Variants in SPRED3 observed in about 807,000 individuals in gnomAD.
SPRED3 encodes the protein sprouty related EVH1 domain containing 3.
Under a neutral mutation model 37.6 loss-of-function variants are expected in SPRED3, and 23 were observed. The observed-to-expected ratio is 0.61, with a 90% CI of 0.44 to 0.87. SPRED3 has a LOEUF of 0.87. Among genes scored for constraint, SPRED3 ranks in the 40% least tolerant of loss-of-function variants. The probability of loss-of-function intolerance (pLI) is 0.00; values close to 1 mark genes in which losing one functional copy is unlikely to be tolerated. For missense variants in SPRED3, 584 were observed against 618.6 expected (o/e 0.94, Z 0.59); for synonymous variants, 302 against 279.6 (o/e 1.08, Z -0.80).
chr19:38,394,460 A>G, intron 4 of SPRED3, 183 bp from the exon 5 acceptor site: 2 of 1,493,910 alleles, frequency 1.3e-6, no homozygotes, highest in Non-Finnish European at 1.9e-6. Flanking sequence ...CAGAGGAGGA[A>G]ACTGAGGCTC....
At chr19:38,391,903 T>C in intron 2 of SPRED3, 43 bp from the exon 3 acceptor site, 2 of 1,605,900 alleles carry the variant, frequency 1.2e-6, no homozygotes, top group Non-Finnish European at 1.7e-6. Flanking sequence ...CACAGGCATG[T>C]CTGGGTTGGG....
At position 38,395,388 on chromosome 19, in the gene SPRED3, C is replaced by G. The variant is rs1970881833; in HGVS notation, c.568-92C>G. ...AGAAGCAAGCTGGGGTCTTGAAAAT[C>G]TGAATCCCAGACCCAAGAGTGCGCT... is the stretch of plus-strand genomic sequence containing the variant. On this transcript the variant is annotated intron_variant, in intron 5 of 5. Transcript: ENST00000691638. The surrounding 1 kb of genome is among the most constrained non-coding windows in gnomAD (Gnocchi z 5.2). 3.2e-6 allele frequency: 4 copies of G among 1,247,028 alleles called. No homozygotes were observed. Among genetic ancestry groups the G allele is most frequent in the East Asian group, 3.2e-5 (1 of 31,646 alleles). The allele number at this position is 1,247,028 out of a possible 1,614,324, so 77.2% of individuals were successfully genotyped here. A position where few individuals can be genotyped will look rare whatever the true frequency, so the allele number is the denominator to read the frequency against.
Position 38,390,771 on chromosome 19 carries a change from C to A in SPRED3, c.177+292C>A, listed in dbSNP as rs559866331. Among the ~76,000 whole-genome samples the A allele has an allele frequency of 3.5e-5, 4 of 115,166 alleles. No homozygotes were observed. In the East Asian group the frequency reaches 1.0e-3, roughly 30 times the overall value. 75.6% of individuals were successfully genotyped at this position (115,166 alleles called of 152,430 possible). ...TGTTCCACAGGGGGCACTGCCCCCCCCCCCCCGCCCCGACTCACACCATGT... is the reference window on the plus strand; with the variant it reads ...TGTTCCACAGGGGGCACTGCCCCCCACCCCCCGCCCCGACTCACACCATGT... On this transcript the variant is annotated intron_variant, in intron 2 of 5. Transcript: ENST00000691638.
chr19:38,391,845 G>A, intron 2 of SPRED3, 101 bp from the exon 3 acceptor site: 1 of 1,378,328 alleles, frequency 7.3e-7, no homozygotes, highest in Middle Eastern at 2.0e-4. Flanking sequence ...AATGAGGTTT[G>A]TGAGAAGACA....
intron 4 of SPRED3, among the ~76,000 whole-genome samples, chr19:38,392,885 A>T (rs558332482): frequency 1.3e-5 from 2 of 152,070 alleles, no homozygotes; most frequent in African/African-American, 4.8e-5. Context: ...CTGCCCCCAC[A>T]CATAGCCAGA....
chr19:38,393,488 C>T (rs1012701464), intron 4 of SPRED3, among the ~76,000 whole-genome samples: 2 of 151,840 alleles, frequency 1.3e-5, no homozygotes, highest in African/African-American at 4.8e-5. Context: ...GCTGGGATTA[C>T]AGGCACCCAG....
Position 38,396,306 on chromosome 19 carries a change from T to A in SPRED3, c.*161T>A. 1 of 472,326 alleles carries A rather than the reference T, an allele frequency of 2.1e-6. No homozygotes were observed. Among genetic ancestry groups the A allele is most frequent in the Non-Finnish European group, 3.3e-6 (1 of 305,580 alleles). The allele number at this position is 472,326 out of a possible 1,614,324, so 29.3% of individuals were successfully genotyped here. On this transcript the variant is annotated 3_prime_UTR_variant, in exon 6 of 6. Coordinates refer to ENST00000691638, the MANE Select transcript of SPRED3 (RefSeq NM_001394336.1). ...AGACCTGGAACCTGGAACCCAAACCTAGGACTGAGAGACCCCAGCCCCAGC... is the reference window on the plus strand; with the variant it reads ...AGACCTGGAACCTGGAACCCAAACCAAGGACTGAGAGACCCCAGCCCCAGC...
At position 38,396,367 on chromosome 19, in the gene SPRED3, C is replaced by G; in HGVS notation, c.*222C>G. The G allele has an allele frequency of 2.9e-6, 1 of 340,426 alleles. No homozygotes were observed. The highest frequency in any genetic ancestry group is 5.2e-6 in the Non-Finnish European group (1 of 191,806). 21.1% of individuals were successfully genotyped at this position (340,426 alleles called of 1,614,324 possible). The stretch of plus-strand genomic sequence containing the variant: ...TGTCTGTCTAAGAAGTCCCAGGCGT[C>G]CTGAGTTCTGGCGTTCCCCCACCCC... On this transcript the variant is annotated 3_prime_UTR_variant, in exon 6 of 6. Transcript: ENST00000691638.
At chr19:38,394,473 A>G in intron 4 of SPRED3, 170 bp from the exon 5 acceptor site, 1 of 1,490,896 alleles carries the variant, frequency 6.7e-7, no homozygotes, top group Non-Finnish European at 9.4e-7. Flanking sequence ...TGAGGCTCAA[A>G]GAGGTGAGCT....
At chr19:38,392,368 G>C in intron 4 of SPRED3, 80 bp downstream of exon 4, 2 of 1,408,052 alleles carry the variant, frequency 1.4e-6, no homozygotes, top group Non-Finnish European at 1.9e-6. Context: ...AGCACCTACT[G>C]TGTAGCAGGC....
At chr19:38,391,555 A>G (rs1371764552) in intron 2 of SPRED3, among the ~76,000 whole-genome samples, 1 of 152,042 alleles carries the variant, frequency 6.6e-6, no homozygotes, top group African/African-American at 2.4e-5. Flanking sequence ...AGGAAAATGT[A>G]GGGATCAAGG....
In SPRED3 at chr19:38,390,490, C is replaced by T; in HGVS notation, c.177+11C>T. 1 of 1,243,790 alleles carries T rather than the reference C, an allele frequency of 8.0e-7. No homozygotes were observed. 77.0% of individuals were successfully genotyped at this position (1,243,790 alleles called of 1,614,324 possible). ...CTCCGGGACCAGAAAGTGAGCCACC[C>T]TGGGGCATGCGGGGAGGGTAGGGAC... On this transcript the variant is annotated intron_variant, in intron 2 of 5. Transcript: ENST00000691638.
chr19:38,389,169 C>A (rs1231030443), intron 1 of SPRED3, among the ~76,000 whole-genome samples: 2 of 152,226 alleles, frequency 1.3e-5, no homozygotes, highest in Non-Finnish European at 2.9e-5. Flanking sequence ...TGCTCTCATT[C>A]CCTGCTTCAC....
chr19:38,388,944 C>A (rs950769577), intron 1 of SPRED3, 137 bp downstream of exon 1: 1 of 393,488 alleles, frequency 2.5e-6, no homozygotes, highest in African/African-American at 2.1e-5. Flanking sequence ...AGAGTGGGGA[C>A]CCCCCAAACT....
In SPRED3 at chr19:38,395,959, C is replaced by T; in HGVS notation, c.1047C>T (p.Asp349=). ...ACTGCCTGTCGGACGCCGAGGGCGACTTCTCGGACCCGTGCGCCTGCGAGC... is the reference window on the plus strand; with the variant it reads ...ACTGCCTGTCGGACGCCGAGGGCGATTTCTCGGACCCGTGCGCCTGCGAGC... ...LYHCLSDAEG[D]FSDPCACEPG... The change falls in exon 6 of 6, where the codon GAC becomes GAT. Residue 349 remains aspartate, a synonymous_variant. Transcript: ENST00000691638. This position sits in a 1 kb window ranked among gnomAD's most constrained non-coding sequence, Gnocchi z 5.2. 6.1e-6 allele frequency: 9 copies of T among 1,478,386 alleles called. No individual in the cohort carries two copies. Among genetic ancestry groups the T allele is most frequent in the Non-Finnish European group, 8.0e-6 (9 of 1,120,970 alleles). The allele number at this position is 1,478,386 out of a possible 1,614,324, so 91.6% of individuals were successfully genotyped here.
chr19:38,392,345 A>G (rs1042757804), intron 4 of SPRED3, 57 bp downstream of exon 4: 82 of 1,449,006 alleles, frequency 5.7e-5, no homozygotes, highest in Non-Finnish European at 7.2e-5. Context: ...TTTTTATTCT[A>G]TGAACATTCT....
intron 4 of SPRED3, 40 bp from the exon 5 acceptor site, chr19:38,394,602 CG>C: frequency 6.4e-7 from 1 of 1,564,430 alleles, no homozygotes; most frequent in Non-Finnish European, 8.6e-7. Flanking sequence ...ATCGGCTGTG[CG>C]GGGGCGTGTC....
rs1229549251 is a variant in SPRED3, at chr19:38,399,400, C to A, written c.*3255C>A. On this transcript the variant is annotated 3_prime_UTR_variant, in exon 6 of 6. Transcript: ENST00000691638. ...GCCCCTCAGATCGGATGCTTGGCCC[C>A]CAGATTTGGGGGAGGCACCCCAACA... is the stretch of plus-strand genomic sequence containing the variant. The A allele has an allele frequency of 6.6e-6, 1 of 152,198 alleles. No homozygotes were observed. Among genetic ancestry groups the A allele is most frequent in the East Asian group, 1.9e-4 (1 of 5,178 alleles). 9.4% of individuals were successfully genotyped at this position (152,198 alleles called of 1,614,324 possible). A position where few individuals can be genotyped will look rare whatever the true frequency, so the allele number is the denominator to read the frequency against.
At position 38,396,025 on chromosome 19, in the gene SPRED3, C is replaced by T; in HGVS notation, c.1113C>T (p.Ala371=). 1 of 1,370,364 alleles carries T rather than the reference C, an allele frequency of 7.3e-7. No homozygotes were observed. Among genetic ancestry groups the T allele is most frequent in the Non-Finnish European group, 9.3e-7 (1 of 1,071,800 alleles). 84.9% of individuals were successfully genotyped at this position (1,370,364 alleles called of 1,614,324 possible). A position where few individuals can be genotyped will look rare whatever the true frequency, so the allele number is the denominator to read the frequency against. ...PRPAARWAAL[A]ALSLAVPCLC... ...CCGCCGCGCGCTGGGCCGCGCTGGC[C>T]GCGCTCTCCCTGGCAGTGCCCTGCC... The change falls in exon 6 of 6, where the codon GCC becomes GCT. Residue 371 remains alanine (A), a synonymous_variant. Coordinates refer to ENST00000691638, the MANE Select transcript of SPRED3 (RefSeq NM_001394336.1).
Sources: gnomAD v4.1 joint callset for allele counts (sites outside exome capture counted in the v4.1 genomes callset) on GRCh38, gnomAD v4.1.1 for gene constraint, Gnocchi (gnomAD v3.1) non-coding constraint, MANE v1.5 for transcripts, NCBI Gene and HGNC (gene_info 2026-07-23, HGNC 2026-07-21) for gene names.